The following WIPF1 variants were observed in gnomAD, a reference collection of about 807,000 sequenced individuals.
WIPF1 encodes the protein WAS/WASL interacting protein family member 1, also known as WAS/WASL-interacting protein family member 1.
In WIPF1, 13 loss-of-function variants were observed where a neutral mutation model predicts 35.4. The ratio of observed to expected loss-of-function variants is 0.37; its 90% CI spans 0.24 to 0.58. WIPF1 has a LOEUF of 0.58. WIPF1 is among the 20% of genes least tolerant of loss of function. The pLI is 0.74. For missense variants in WIPF1, 591 were observed against 667.0 expected, an observed-to-expected ratio of 0.89 and a Z score of 1.25; for synonymous variants, 267 against 266.3, an observed-to-expected ratio of 1.00 and a Z score of -0.02.
At chr2:174,678,139 T>G (rs918703693) in intron 1 of WIPF1, among the ~76,000 whole-genome samples, 3 of 152,210 alleles carry the variant, frequency 2.0e-5, no homozygotes, top group Non-Finnish European at 4.4e-5. Context: ...TTTAAATGTT[T>G]GGGCCAGATC....
rs931539509 is a variant in WIPF1, at chr2:174,640,593, TTATG to T, written c.-39+42177_-39+42180del. 1.4e-4 allele frequency among the ~76,000 whole-genome samples: 22 copies of T among 152,170 alleles called. 1 individual carries two copies. Among genetic ancestry groups the T allele is most frequent in the Admixed American group, 6.5e-4 (10 of 15,290 alleles). On this transcript the variant is annotated intron_variant, in intron 1 of 8. Transcript: ENST00000272746. ...CCCATGTACATGGATTTTATATTTT[TTATG>T]TATGTATGTATGTATTTATTTATTA...
chr2:174,662,032 A>G (rs985922306), intron 1 of WIPF1, among the ~76,000 whole-genome samples: 1 of 152,200 alleles, frequency 6.6e-6, no homozygotes, highest in Non-Finnish European at 1.5e-5. Flanking sequence ...CCTTGCCCCA[A>G]GTTGACAGAG....
intron 1 of WIPF1, 120 bp from the exon 2 acceptor site, chr2:174,585,731 C>T: frequency 1.4e-6 from 1 of 712,016 alleles, no homozygotes. Context: ...AAGAGATGGG[C>T]TTACCTTTAC....
At chr2:174,626,012 T>C (rs574330723) in intron 1 of WIPF1, 1 of 152,212 alleles carries the variant, frequency 6.6e-6, no homozygotes, top group African/African-American at 2.4e-5. Flanking sequence ...AACTACATAA[T>C]ATCTGTTTCA....
intron 1 of WIPF1, among the ~76,000 whole-genome samples, chr2:174,649,164 T>C (rs1233204559): frequency 1.3e-5 from 2 of 152,162 alleles, no homozygotes; most frequent in Non-Finnish European, 2.9e-5. Flanking sequence ...CATCAGGCCA[T>C]ACTAGGGGTG....
chr2:174,571,694 C>G lies in WIPF1; in HGVS notation c.1111G>C (p.Asp371His). ...GTCATACCTGATCGGCCTGGCGGGT[C>G]CCTCACTGGAGGTGGGGGTCTCTCA... Reference protein sequence around the residue: ...PSERPPPPVRDPPGRSGPLPP... With the variant: ...PSERPPPPVRHPPGRSGPLPP... The change falls in exon 5 of 8, where the codon GAC (aspartate) becomes CAC (histidine). Residue 371 changes from aspartate to histidine, a missense_variant. Coordinates refer to ENST00000679041, the MANE Select transcript of WIPF1 (RefSeq NM_001375834.1). This position sits in a 1 kb window ranked among gnomAD's most constrained non-coding sequence, Gnocchi z 4.6. 6.2e-7 allele frequency: 1 copy of G among 1,614,114 alleles called. No homozygotes were observed. The highest frequency in any genetic ancestry group is 1.1e-5 in the South Asian group (1 of 91,082).
chr2:174,664,492 C>A (rs570938594), intron 1 of WIPF1, among the ~76,000 whole-genome samples: 14 of 152,324 alleles, frequency 9.2e-5, no homozygotes, highest in African/African-American at 3.4e-4. Flanking sequence ...GTGATTTAAG[C>A]CTGAATCACA....
In WIPF1 at chr2:174,572,127, G is replaced by A. The variant is rs749598227; in HGVS notation, c.678C>T (p.Arg226=). Residue 226 remains arginine, a synonymous_variant, in exon 5 of 8, where the codon CGC becomes CGT. Transcript: ENST00000679041. ...GPTPPPFPGN[R]GTALGGGSIR... is the part of the protein sequence containing the mutation. ...TTGAGCCTCCTCCCAAAGCAGTGCC[G>A]CGGTTTCCAGGGAAAGGGGGAGGAG... 5.6e-6 allele frequency: 9 copies of A among 1,610,012 alleles called. No homozygotes were observed. In the Admixed American group the frequency reaches 1.2e-4, roughly 21 times the overall value.
chr2:174,615,786 G>A (rs187479143), intron 1 of WIPF1, among the ~76,000 whole-genome samples: 82 of 152,282 alleles, frequency 5.4e-4, no homozygotes, highest in African/African-American at 1.9e-3. Context: ...AAAGGTCATC[G>A]GAGGACATTA....
chr2:174,656,966 T>C (rs1161677683), intron 1 of WIPF1, among the ~76,000 whole-genome samples: 7 of 152,246 alleles, frequency 4.6e-5, no homozygotes, highest in South Asian at 4.1e-4. Flanking sequence ...AGTTACACTA[T>C]ACACATATGC....
chr2:174,626,650 T>C (rs902331102), intron 1 of WIPF1, among the ~76,000 whole-genome samples: 8 of 152,188 alleles, frequency 5.3e-5, no homozygotes, highest in African/African-American at 1.7e-4. Context: ...CTATTTTCCT[T>C]AACTCCTCTC....
chr2:174,609,043 G>A (rs910119995), intron 1 of WIPF1, among the ~76,000 whole-genome samples: 2 of 152,142 alleles, frequency 1.3e-5, no homozygotes, highest in Middle Eastern at 3.2e-3. Context: ...AGCCAGGCCT[G>A]GCTAGTGCAG....
intron 1 of WIPF1, among the ~76,000 whole-genome samples, chr2:174,653,744 A>G (rs1687585415): frequency 6.7e-6 from 1 of 149,628 alleles, no homozygotes; most frequent in Admixed American, 6.7e-5. Context: ...TCTGTCTCAA[A>G]AAAAAAAAAA....
chr2:174,600,410 G>A (rs76447676), upstream of WIPF1, among the ~76,000 whole-genome samples: 1,556 of 152,196 alleles, frequency 0.01, 11 homozygotes, highest in Non-Finnish European at 0.015. Flanking sequence ...CAAACTCTTA[G>A]GTCCACAGGG....
chr2:174,664,922 C>T (rs113783466), intron 1 of WIPF1, among the ~76,000 whole-genome samples: 13 of 151,938 alleles, frequency 8.6e-5, no homozygotes, highest in East Asian at 3.9e-4. Flanking sequence ...TATGAGCCAC[C>T]GCGCCAGGCC....
intron 6 of WIPF1, among the ~76,000 whole-genome samples, chr2:174,567,652 T>C (rs539104583): frequency 6.6e-6 from 1 of 152,358 alleles, no homozygotes; most frequent in Admixed American, 6.5e-5. Flanking sequence ...GGAAAAATGA[T>C]CCGCCTTTTT....
At chr2:174,633,017 G>A (rs1687075057) in intron 1 of WIPF1, among the ~76,000 whole-genome samples, 1 of 152,098 alleles carries the variant, frequency 6.6e-6, no homozygotes, top group Non-Finnish European at 1.5e-5. Flanking sequence ...TTGTGCAAAG[G>A]GCTCCAACCA....
At chr2:174,674,453 A>G (rs4972453) in intron 1 of WIPF1, among the ~76,000 whole-genome samples, 9,823 of 152,294 alleles carry the variant, frequency 0.065, 588 homozygotes, top group Admixed American at 0.2. Context: ...GCACTTTTAG[A>G]AGAGGAAAAT....
intron 2 of WIPF1, among the ~76,000 whole-genome samples, chr2:174,582,287 T>C (rs1406999341): frequency 6.6e-6 from 1 of 152,234 alleles, no homozygotes. Context: ...TGGGATCTTG[T>C]TCCTTCAGGG....
Sources: allele counts gnomAD v4.1 joint callset (sites outside exome capture counted in the v4.1 genomes callset), GRCh38; gene constraint gnomAD v4.1.1; non-coding constraint Gnocchi (gnomAD v3.1); transcripts MANE v1.5; gene names NCBI Gene and HGNC (gene_info 2026-07-23, HGNC 2026-07-21).